Variants in MYEF2 observed in about 807,000 individuals in gnomAD.
MYEF2 encodes myelin gene expression factor 2.
A neutral mutation model predicts 75.2 loss-of-function variants in MYEF2; 37 were observed. The ratio of observed to expected loss-of-function variants is 0.49; its 90% CI spans 0.38 to 0.65. The LOEUF (loss-of-function observed/expected upper bound fraction) is 0.65, where lower values mean the gene tolerates loss of function less well. Among genes scored for constraint, MYEF2 ranks in the 30% least tolerant of loss-of-function variants. The pLI is 0.00. For synonymous variants in MYEF2, 195 were observed against 241.6 expected, an observed-to-expected ratio of 0.81 and a Z score of 1.79; for missense variants, 634 against 771.4, an observed-to-expected ratio of 0.82 and a Z score of 2.11.
chr15:48,136,831 C>T lies in MYEF2; in HGVS notation c.*6077G>A. On this transcript the variant is annotated 3_prime_UTR_variant, in exon 17 of 17. Coordinates refer to ENST00000324324, the MANE Select transcript of MYEF2 (RefSeq NM_016132.5). ...TATGGAGAGAAGTGAACAACAGCCA[C>T]TGATGGGCTGGGAAGATGAAGGTCA... 5 of 1,613,804 alleles carry T rather than the reference C, an allele frequency of 3.1e-6. No individual in the cohort carries two copies. Among genetic ancestry groups the T allele is most frequent in the Non-Finnish European group, 4.2e-6 (5 of 1,179,828 alleles).
At chr15:48,148,954 AAC>A (rs1169612501) in intron 16 of MYEF2, 76 bp downstream of exon 16, 48 of 1,469,416 alleles carry the variant, frequency 3.3e-5, no homozygotes, top group Middle Eastern at 2.3e-4. Flanking sequence ...CAAAGGTCTA[AAC>A]ACAGTGTATA....
At chr15:48,151,999 C>A in intron 11 of MYEF2, 57 bp from the exon 12 acceptor site, 5 of 1,549,140 alleles carry the variant, frequency 3.2e-6, no homozygotes, top group Non-Finnish European at 4.5e-6. Context: ...CTGAAAGGTA[C>A]GTTTTGTAAA....
At chr15:48,150,940 A>C (rs565277744) in intron 14 of MYEF2, among the ~76,000 whole-genome samples, 160 bp downstream of exon 14, 1 of 152,250 alleles carries the variant, frequency 6.6e-6, no homozygotes, top group East Asian at 1.9e-4. Context: ...AACAATAATC[A>C]AACAGAAAGG....
At chr15:48,167,929 C>A (rs1163562337) in intron 2 of MYEF2, among the ~76,000 whole-genome samples, 1 of 151,820 alleles carries the variant, frequency 6.6e-6, no homozygotes, top group Non-Finnish European at 1.5e-5. Flanking sequence ...ACAACAGATA[C>A]ACCAATGCAA....
Position 48,154,314 on chromosome 15 carries a change from T to A in MYEF2, c.986-421A>T, listed in dbSNP as rs969058142. On this transcript the variant is annotated intron_variant, in intron 9 of 16. Transcript: ENST00000324324. The stretch of plus-strand genomic sequence containing the variant: ...GGTTCAAATCAAACTAAAAAGTCAA[T>A]AACCATGAAAGTATAACACTGAATA... Among the ~76,000 whole-genome samples, 7 of 152,120 alleles carry A rather than the reference T, an allele frequency of 4.6e-5. No homozygotes were observed. In the East Asian group the frequency reaches 1.3e-3, roughly 29 times the overall value.
In MYEF2 at chr15:48,139,447, T is replaced by C. The variant is rs3743288; in HGVS notation, c.*3461A>G. The C allele has an allele frequency of 0.032, 8,272 of 260,766 alleles. 437 individuals are homozygous for C. The highest frequency in any genetic ancestry group is 0.11 in the African/African-American group (4,927 of 45,684). The allele number at this position is 260,766 out of a possible 1,614,324, so 16.2% of individuals were successfully genotyped here. ...TGAAATCAAATTCATAGGATGTCTTTTTATTATGCTAATAATTTAATCACA... is the reference window on the plus strand; with the variant it reads ...TGAAATCAAATTCATAGGATGTCTTCTTATTATGCTAATAATTTAATCACA... On this transcript the variant is annotated 3_prime_UTR_variant, in exon 17 of 17. Coordinates refer to ENST00000324324, the MANE Select transcript of MYEF2 (RefSeq NM_016132.5).
chr15:48,154,859 A>C (rs1443580731), intron 9 of MYEF2, among the ~76,000 whole-genome samples: 1 of 152,116 alleles, frequency 6.6e-6, no homozygotes, highest in Non-Finnish European at 1.5e-5. Flanking sequence ...AATAGTACAG[A>C]ACTAATAATA....
At position 48,178,220 on chromosome 15, in the gene MYEF2, CTTG is replaced by C. The variant is rs753059152; in HGVS notation, c.15_17del (p.Asn5del). The stretch of plus-strand genomic sequence containing the variant: ...CACCAGTGGCCCCGGGCACCTCGGC[CTTG>C]TTGGCGTCCGCCATCCCGCCGCCGC... On this transcript the variant is annotated inframe_deletion, in exon 1 of 17. Coordinates refer to ENST00000324324, the MANE Select transcript of MYEF2 (RefSeq NM_016132.5). 1.1e-5 allele frequency: 16 copies of C among 1,426,868 alleles called. No homozygotes were observed. The South Asian group carries it at 2.3e-4, about 21-fold the overall frequency. 88.4% of individuals were successfully genotyped at this position (1,426,868 alleles called of 1,614,324 possible).
intron 5 of MYEF2, among the ~76,000 whole-genome samples, chr15:48,161,192 A>G (rs1349190381): frequency 6.6e-6 from 1 of 152,096 alleles, no homozygotes; most frequent in Admixed American, 6.6e-5. Context: ...AATTTATATA[A>G]AACAAACCAC....
In MYEF2 at chr15:48,149,257, C is replaced by T. The variant is rs1264920038; in HGVS notation, c.1493G>A (p.Ser498Asn). 5 of 1,613,480 alleles carry T rather than the reference C, an allele frequency of 3.1e-6. No individual in the cohort carries two copies. The highest frequency in any genetic ancestry group is 1.7e-5 in the Admixed American group (1 of 59,950). The change falls in exon 15 of 17, where the codon AGC becomes AAC. Residue 498 changes from serine to asparagine, a missense_variant. Physicochemically the swap from Ser to Asn is conservative, Grantham distance 46. Coordinates refer to ENST00000324324, the MANE Select transcript of MYEF2 (RefSeq NM_016132.5). This position sits in a 1 kb window ranked among gnomAD's most constrained non-coding sequence, Gnocchi z 4.0. ...TAAAAATCCTCGATCCATATCGATG[C>T]TCCTTTCCAGTATAGCTCCTATACC... is the stretch of plus-strand genomic sequence containing the variant. ...GPGIGAILERSIDMDRGFLSG... is the reference protein window; with the variant it reads ...GPGIGAILERNIDMDRGFLSG...
Position 48,149,009 on chromosome 15 carries a change from T to C in MYEF2, c.1639+23A>G. ...TTCCTCCATAATCAATATCAACATA[T>C]CTGCAGTCATTTGCATACTTACCAC... On this transcript the variant is annotated intron_variant, in intron 16 of 16. Transcript: ENST00000324324. This position sits in a 1 kb window ranked among gnomAD's most constrained non-coding sequence, Gnocchi z 4.0. 1 of 1,611,018 alleles carries C rather than the reference T, an allele frequency of 6.2e-7. No individual in the cohort carries two copies. Among genetic ancestry groups the C allele is most frequent in the Non-Finnish European group, 8.5e-7 (1 of 1,177,662 alleles).
rs1567225472 is a variant in MYEF2 at position 48,135,665 on chromosome 15, C to G, written c.*7243G>C. ...TAATGAAATGTAAAACACAGCTACACAGGTTATATACATTGCATAACTCCA... is the reference window on the plus strand; with the variant it reads ...TAATGAAATGTAAAACACAGCTACAGAGGTTATATACATTGCATAACTCCA... On this transcript the variant is annotated 3_prime_UTR_variant, in exon 17 of 17. Transcript: ENST00000324324. The G allele has an allele frequency of 6.6e-6, 1 of 151,134 alleles. No homozygotes were observed. The highest frequency in any genetic ancestry group is 6.6e-5 in the Admixed American group (1 of 15,116). The allele number at this position is 151,134 out of a possible 1,614,324, so 9.4% of individuals were successfully genotyped here. A position where few individuals can be genotyped will look rare whatever the true frequency, so the allele number is the denominator to read the frequency against.
intron 16 of MYEF2, among the ~76,000 whole-genome samples, chr15:48,144,537 A>G (rs1468311165): frequency 6.6e-6 from 1 of 152,036 alleles, no homozygotes; most frequent in Non-Finnish European, 1.5e-5. Flanking sequence ...TAATCTCCAG[A>G]GAAATTACAT....
At chr15:48,160,684 G>GAAGC (rs1555457855) in intron 5 of MYEF2, among the ~76,000 whole-genome samples, 2 of 151,806 alleles carry the variant, frequency 1.3e-5, no homozygotes, top group Non-Finnish European at 2.9e-5. Flanking sequence ...AGGCTAAGAT[G>GAAGC]AAGTGTAAAG....
intron 6 of MYEF2, 98 bp downstream of exon 6, chr15:48,159,515 A>G: frequency 2.6e-6 from 3 of 1,147,422 alleles, no homozygotes; most frequent in Non-Finnish European, 3.7e-6. Context: ...TACTTTAGTT[A>G]AAAATAAGCA....
rs2039125330 is a variant in MYEF2 at position 48,142,449 on chromosome 15, C to G, written c.*459G>C. ...AAATCAAATTTTAAAAATCTTGAAC[C>G]TTAGAATCTAAAACTTACAGTAATT... On this transcript the variant is annotated 3_prime_UTR_variant, in exon 17 of 17. Transcript: ENST00000324324. The G allele has an allele frequency of 1.0e-6, 1 of 960,322 alleles. No individual in the cohort carries two copies. Among genetic ancestry groups the G allele is most frequent in the African/African-American group, 1.6e-5 (1 of 60,640 alleles). 59.5% of individuals were successfully genotyped at this position (960,322 alleles called of 1,614,324 possible). A position where few individuals can be genotyped will look rare whatever the true frequency, so the allele number is the denominator to read the frequency against.
At chr15:48,172,781 A>G (rs1480597936) in intron 1 of MYEF2, among the ~76,000 whole-genome samples, 1 of 152,146 alleles carries the variant, frequency 6.6e-6, no homozygotes, top group Non-Finnish European at 1.5e-5. Flanking sequence ...AAATTAATAA[A>G]TTCCTGGAAA....
chr15:48,155,150 A>T (rs1687542861), intron 9 of MYEF2, among the ~76,000 whole-genome samples: 1 of 152,094 alleles, frequency 6.6e-6, no homozygotes, highest in African/African-American at 2.4e-5. Context: ...ATTTTTTTAA[A>T]AAGTCTAAGC....
chr15:48,153,665 A>G, intron 10 of MYEF2, 127 bp downstream of exon 10: 1 of 718,856 alleles, frequency 1.4e-6, no homozygotes, highest in Non-Finnish European at 2.3e-6. Flanking sequence ...TTCAGAATGA[A>G]GTGACACCGT....
Sources: gnomAD v4.1 joint callset for allele counts (sites outside exome capture counted in the v4.1 genomes callset) on GRCh38, gnomAD v4.1.1 for gene constraint, Gnocchi (gnomAD v3.1) non-coding constraint, MANE v1.5 for transcripts, NCBI Gene and HGNC (gene_info 2026-07-23, HGNC 2026-07-21) for gene names.